Variants in WSCD1 observed in about 807,000 individuals in gnomAD.
WSCD1 encodes the protein sialate:O-sulfotransferase 1.
WSCD1 carries 41 observed loss-of-function variants against 60.4 expected under a neutral mutation model. That is an observed-to-expected ratio of 0.68 (90% CI 0.53 to 0.88). WSCD1 has a LOEUF of 0.88. Among genes scored for constraint, WSCD1 ranks in the 40% least tolerant of loss-of-function variants. The pLI, the probability that WSCD1 is intolerant of heterozygous loss-of-function variation, is 0.00. For missense variants in WSCD1, 784 were observed against 796.2 expected (o/e 0.98, Z 0.18); for synonymous variants, 361 against 332.5 (o/e 1.09, Z -0.93).
chr17:6,092,505 C>G (rs1299104057), intron 4 of WSCD1, among the ~76,000 whole-genome samples: 1 of 152,128 alleles, frequency 6.6e-6, no homozygotes, highest in Non-Finnish European at 1.5e-5. Flanking sequence ...TTGGCAGTGT[C>G]TCACCGACAC....
At chr17:6,114,778 C>T (rs1170172423) in intron 7 of WSCD1, among the ~76,000 whole-genome samples, 1 of 151,938 alleles carries the variant, frequency 6.6e-6, no homozygotes, top group Admixed American at 6.5e-5. Context: ...CACCTACCAA[C>T]CCATCGTCTA....
intron 2 of WSCD1, among the ~76,000 whole-genome samples, chr17:6,086,600 C>A (rs541834179): frequency 6.6e-6 from 1 of 152,078 alleles, no homozygotes; most frequent in Non-Finnish European, 1.5e-5. Context: ...GTGATCCACC[C>A]GCCCCGGCCT....
intron 4 of WSCD1, among the ~76,000 whole-genome samples, chr17:6,091,685 A>T (rs1484364593): frequency 6.6e-6 from 1 of 152,158 alleles, no homozygotes; most frequent in African/African-American, 2.4e-5. Flanking sequence ...GGAGAGGCAG[A>T]TTGGGAAGGA....
intron 1 of WSCD1, among the ~76,000 whole-genome samples, chr17:6,077,536 C>T (rs994589565): frequency 3.3e-5 from 5 of 152,148 alleles, no homozygotes; most frequent in Non-Finnish European, 5.9e-5. Flanking sequence ...GTGTCCACAC[C>T]AGCACCCACC....
At chr17:6,102,078 C>A (rs1233442711) in intron 5 of WSCD1, among the ~76,000 whole-genome samples, 1 of 152,212 alleles carries the variant, frequency 6.6e-6, no homozygotes, top group Non-Finnish European at 1.5e-5. Context: ...TCTTTTTCCC[C>A]TCTTTTAGCC....
chr17:6,111,111 G>A (rs1294425557), intron 7 of WSCD1, among the ~76,000 whole-genome samples, 176 bp downstream of exon 7: 1 of 152,008 alleles, frequency 6.6e-6, no homozygotes, highest in East Asian at 1.9e-4. Flanking sequence ...TTGAAGACCA[G>A]CCCGCCTGGT....
At chr17:6,117,701 T>C (rs1341319635) in intron 7 of WSCD1, among the ~76,000 whole-genome samples, 2 of 152,366 alleles carry the variant, frequency 1.3e-5, no homozygotes, top group East Asian at 3.9e-4. Flanking sequence ...ACGGGTCTTC[T>C]GCCCTCTGAC....
intron 7 of WSCD1, among the ~76,000 whole-genome samples, chr17:6,115,577 TTTTTCTTTTC>T (rs1007161112): frequency 2.6e-5 from 4 of 152,242 alleles, no homozygotes; most frequent in Admixed American, 2.0e-4. Context: ...TTTCTTTCCT[TTTTTCTTTTC>T]TTTTCTTTTC....
intron 5 of WSCD1, among the ~76,000 whole-genome samples, chr17:6,096,012 A>G (rs1170602151): frequency 6.6e-6 from 1 of 152,232 alleles, no homozygotes; most frequent in Non-Finnish European, 1.5e-5. Flanking sequence ...GAACAGGGCT[A>G]AGGTGAGAGG....
At position 6,103,814 on chromosome 17, in the gene WSCD1, C is replaced by T. The variant is rs549924191; in HGVS notation, c.850-5793C>T. Among the ~76,000 whole-genome samples the T allele has an allele frequency of 6.6e-5, 10 of 152,280 alleles. No individual in the cohort carries two copies. The South Asian group carries it at 2.1e-3, about 32-fold the overall frequency. On this transcript the variant is annotated intron_variant, in intron 5 of 8. Coordinates refer to ENST00000317744, the MANE Select transcript of WSCD1 (RefSeq NM_015253.2). ...CTCCCCTGGACTCAGCCCATCCATG[C>T]TTACTGAGTGTCTACTCTCTGAAAG...
At chr17:6,112,917 A>T (rs181873064) in intron 7 of WSCD1, among the ~76,000 whole-genome samples, 61 of 152,290 alleles carry the variant, frequency 4.0e-4, no homozygotes, top group Non-Finnish European at 1.0e-4. Context: ...AATACCAATG[A>T]CATTCTTCAC....
At chr17:6,105,539 T>C (rs571419751) in intron 5 of WSCD1, among the ~76,000 whole-genome samples, 1 of 152,240 alleles carries the variant, frequency 6.6e-6, no homozygotes, top group South Asian at 2.1e-4. Context: ...GGGCTGAAAA[T>C]TGTACTGTGT....
intron 2 of WSCD1, 70 bp from the exon 3 acceptor site, chr17:6,087,920 C>T (rs932026776): frequency 4.5e-6 from 6 of 1,321,838 alleles, no homozygotes; most frequent in Non-Finnish European, 6.5e-6. Flanking sequence ...CAGAGGTTCC[C>T]CTGGCTTTTC....
intron 7 of WSCD1, among the ~76,000 whole-genome samples, chr17:6,111,700 CAAAAAAAAAAA>C (rs111930086): frequency 4.8e-5 from 2 of 41,264 alleles, no homozygotes; most frequent in African/African-American, 8.4e-5. Context: ...CACTCCGTCT[CAAAAAAAAAAA>C]AAAAAAAAAA....
intron 5 of WSCD1, among the ~76,000 whole-genome samples, chr17:6,100,772 G>A (rs115160011): frequency 0.011 from 1,671 of 152,222 alleles, 30 homozygotes; most frequent in African/African-American, 0.038. Context: ...ACACATTGCC[G>A]TATGTCCTCT....
chr17:6,070,907 T>TGGGTGG (rs1908501632), intron 1 of WSCD1, among the ~76,000 whole-genome samples: 1 of 17,426 alleles, frequency 5.7e-5, no homozygotes, highest in Admixed American at 5.6e-4. Context: ...GCGGCCGGGA[T>TGGGTGG]GGGGTGGGGG....
chr17:6,079,263 C>T (rs1009780460), intron 1 of WSCD1, among the ~76,000 whole-genome samples: 1 of 152,154 alleles, frequency 6.6e-6, no homozygotes, highest in Non-Finnish European at 1.5e-5. Flanking sequence ...ACAGGCCTGG[C>T]GGGGGGCCCG....
intron 1 of WSCD1, among the ~76,000 whole-genome samples, chr17:6,079,472 G>A (rs906035738): frequency 1.3e-5 from 2 of 152,212 alleles, no homozygotes; most frequent in African/African-American, 4.8e-5. Context: ...GCTGAGTCCT[G>A]GGGAGTGGAG....
At chr17:6,072,127 C>T (rs959589158) in intron 1 of WSCD1, among the ~76,000 whole-genome samples, 1 of 152,240 alleles carries the variant, frequency 6.6e-6, no homozygotes. Flanking sequence ...GGATCCCTCT[C>T]TTCAGTGGGC....
Sources: allele counts gnomAD v4.1 joint callset (sites outside exome capture counted in the v4.1 genomes callset), GRCh38; gene constraint gnomAD v4.1.1; transcripts MANE v1.5; gene names NCBI Gene and HGNC (gene_info 2026-07-23, HGNC 2026-07-21).